EXT1: variants seen among roughly 807,000 people sequenced by gnomAD.
The protein encoded by EXT1 is exostosin-1.
Under a neutral mutation model 82.5 loss-of-function variants are expected in EXT1, and 20 were observed. The observed-to-expected ratio is 0.24, with a 90% CI of 0.17 to 0.35. The LOEUF (loss-of-function observed/expected upper bound fraction) is 0.35. Ranked by LOEUF, EXT1 falls within the 10% of genes least tolerant of loss-of-function variation. The pLI is 1.00. For synonymous variants in EXT1, 348 were observed against 350.8 expected, an observed-to-expected ratio of 0.99 and a Z score of 0.09; for missense variants, 757 against 936.5, an observed-to-expected ratio of 0.81 and a Z score of 2.50.
intron 1 of EXT1, among the ~76,000 whole-genome samples, chr8:118,102,422 T>C (rs1468056412): frequency 6.6e-6 from 1 of 151,782 alleles, no homozygotes; most frequent in African/African-American, 2.4e-5. Context: ...TTGGATAATG[T>C]TAGGAAAAAA....
intron 1 of EXT1, among the ~76,000 whole-genome samples, chr8:117,978,136 G>A (rs1287172552): frequency 6.6e-6 from 1 of 152,304 alleles, no homozygotes. Context: ...CTGATGAAAG[G>A]TGTAGGTGGC....
chr8:118,111,822 A>G lies in EXT1; in HGVS notation c.-776T>C, dbSNP rs555849430. On this transcript the variant is annotated 5_prime_UTR_variant, in exon 1 of 11. Coordinates refer to ENST00000378204, the MANE Select transcript of EXT1 (RefSeq NM_000127.3). ...GCCGACCGCCGCGTTCGGTCGCCGA[A>G]TGTTACCCGGTTCTGAATGTTACAC... 1,087 of 149,486 alleles carry G rather than the reference A, an allele frequency of 7.3e-3. 9 individuals carry two copies. The highest frequency in any genetic ancestry group is 0.013 in the Non-Finnish European group (839 of 66,994). The allele number at this position is 149,486 out of a possible 1,614,324, so 9.3% of individuals were successfully genotyped here.
chr8:118,067,589 C>T (rs1817015260), intron 1 of EXT1, among the ~76,000 whole-genome samples: 1 of 152,182 alleles, frequency 6.6e-6, no homozygotes, highest in African/African-American at 2.4e-5. Flanking sequence ...CAACGTGAAG[C>T]GGTTTCATCC....
At chr8:117,822,881 A>C (rs951913596) in intron 4 of EXT1, among the ~76,000 whole-genome samples, 2 of 152,208 alleles carry the variant, frequency 1.3e-5, no homozygotes, top group African/African-American at 4.8e-5. Context: ...GTCCATGCTC[A>C]TTCCAAAATA....
chr8:117,943,503 G>T (rs1391931706), intron 1 of EXT1, among the ~76,000 whole-genome samples: 1 of 152,168 alleles, frequency 6.6e-6, no homozygotes, highest in Non-Finnish European at 1.5e-5. Flanking sequence ...ATATTCAGTA[G>T]AATGGAAACT....
At chr8:117,970,664 C>T (rs1814920657) in intron 1 of EXT1, among the ~76,000 whole-genome samples, 2 of 152,160 alleles carry the variant, frequency 1.3e-5, no homozygotes, top group South Asian at 4.1e-4. Context: ...GTCCATGGAC[C>T]ACACTTTGAG....
intron 1 of EXT1, among the ~76,000 whole-genome samples, chr8:118,000,059 G>A (rs111680482): frequency 5.9e-5 from 9 of 151,830 alleles, no homozygotes; most frequent in East Asian, 1.9e-4. Context: ...CCTGAATACC[G>A]CTCCTTTTGG....
At chr8:117,853,732 G>A (rs1019599324) in intron 1 of EXT1, among the ~76,000 whole-genome samples, 7 of 152,178 alleles carry the variant, frequency 4.6e-5, no homozygotes, top group African/African-American at 9.6e-5. Flanking sequence ...TCCTATTGCC[G>A]CAAAATTCTA....
chr8:117,987,560 A>G (rs770715149), intron 1 of EXT1, among the ~76,000 whole-genome samples: 11 of 152,238 alleles, frequency 7.2e-5, no homozygotes, highest in Non-Finnish European at 1.2e-4. Context: ...AAGTGAATGA[A>G]GGAGAAAAGT....
At chr8:118,033,284 G>A (rs1367906873) in intron 1 of EXT1, among the ~76,000 whole-genome samples, 1 of 152,122 alleles carries the variant, frequency 6.6e-6, no homozygotes, top group Non-Finnish European at 1.5e-5. Flanking sequence ...TAACATAAAT[G>A]TTAAAACGGT....
intron 1 of EXT1, among the ~76,000 whole-genome samples, chr8:118,017,923 A>C (rs1350347031): frequency 1.3e-5 from 2 of 152,254 alleles, no homozygotes; most frequent in African/African-American, 4.8e-5. Context: ...GCTCTTGCAC[A>C]GAATTTTCCA....
intron 1 of EXT1, among the ~76,000 whole-genome samples, chr8:117,858,724 G>GGAAA (rs1260207926): frequency 1.2e-4 from 3 of 24,370 alleles, no homozygotes; most frequent in African/African-American, 4.0e-4. Flanking sequence ...AAGGAAGGAA[G>GGAAA]GAAGGAAGGA....
intron 1 of EXT1, among the ~76,000 whole-genome samples, chr8:117,851,626 CACACACA>C: frequency 6.6e-6 from 1 of 150,542 alleles, no homozygotes; most frequent in African/African-American, 2.4e-5. Context: ...GACACACACA[CACACACA>C]CACACACACA....
intron 1 of EXT1, among the ~76,000 whole-genome samples, chr8:118,079,595 C>T (rs1420271529): frequency 6.6e-6 from 1 of 152,200 alleles, no homozygotes; most frequent in Non-Finnish European, 1.5e-5. Context: ...ATACCTGCCT[C>T]ATCACCAAGG....
intron 1 of EXT1, among the ~76,000 whole-genome samples, chr8:118,035,672 C>G (rs1816406295): frequency 6.6e-6 from 1 of 152,106 alleles, no homozygotes; most frequent in Non-Finnish European, 1.5e-5. Flanking sequence ...CCCAGTGGCA[C>G]CTTTAAAAAC....
At chr8:117,934,410 T>TG (rs1319279053) in intron 1 of EXT1, among the ~76,000 whole-genome samples, 1 of 152,162 alleles carries the variant, frequency 6.6e-6, no homozygotes, top group African/African-American at 2.4e-5. Context: ...GGGTTGAGTC[T>TG]GGGGAGCCTG....
intron 1 of EXT1, among the ~76,000 whole-genome samples, chr8:117,945,873 T>C (rs1198076236): frequency 1.3e-5 from 2 of 152,148 alleles, no homozygotes; most frequent in African/African-American, 4.8e-5. Flanking sequence ...AAAATATCAA[T>C]GTACAAGATT....
chr8:118,010,262 C>T (rs1238040962), intron 1 of EXT1, among the ~76,000 whole-genome samples: 1 of 150,982 alleles, frequency 6.6e-6, no homozygotes, highest in Non-Finnish European at 1.5e-5. Context: ...GTCCCAGCTA[C>T]TCGGGAGGCT....
At chr8:117,988,065 G>A (rs2129781644) in intron 1 of EXT1, among the ~76,000 whole-genome samples, 1 of 152,110 alleles carries the variant, frequency 6.6e-6, no homozygotes, top group South Asian at 2.1e-4. Context: ...TCCAGCCTGA[G>A]CAACAGAGTG....
Sources: allele counts gnomAD v4.1 joint callset (sites outside exome capture counted in the v4.1 genomes callset), GRCh38; gene constraint gnomAD v4.1.1; transcripts MANE v1.5; gene names NCBI Gene and HGNC (gene_info 2026-07-23, HGNC 2026-07-21).